The following FAT3 variants were observed in gnomAD, a reference collection of about 807,000 sequenced individuals.
FAT3 encodes the protein FAT atypical cadherin 3.
A neutral mutation model predicts 310.2 loss-of-function variants in FAT3; 95 were observed. The observed-to-expected ratio is 0.31, with a 90% CI of 0.26 to 0.36. The LOEUF is 0.36. Among genes scored for constraint, FAT3 ranks in the 10% least tolerant of loss-of-function variants. The pLI, the probability that FAT3 is intolerant of heterozygous loss-of-function variation, is 1.00. For missense variants in FAT3, 5,408 were observed against 5,715.6 expected (o/e 0.95, Z 1.74); for synonymous variants, 2,314 against 2,192.9 (o/e 1.06, Z -1.54).
chr11:92,729,558 C>T (rs1246667680), intron 4 of FAT3, among the ~76,000 whole-genome samples: 1 of 151,760 alleles, frequency 6.6e-6, no homozygotes, highest in Non-Finnish European at 1.5e-5. Flanking sequence ...TCCCAAGTAG[C>T]TGGGATTACA....
chr11:92,225,756 C>T (rs549565279), intron 1 of FAT3, among the ~76,000 whole-genome samples: 2 of 152,104 alleles, frequency 1.3e-5, no homozygotes, highest in Admixed American at 1.3e-4. Context: ...CTGACTCGGG[C>T]TTGCGGGGCT....
At position 92,844,312 on chromosome 11, in the gene FAT3, G is replaced by A; in HGVS notation, c.10945G>A (p.Val3649Ile). 3 of 1,613,960 alleles carry A rather than the reference G, an allele frequency of 1.9e-6. No individual in the cohort carries two copies. The highest frequency in any genetic ancestry group is 2.5e-6 in the Non-Finnish European group (3 of 1,179,904). The change falls in exon 19 of 28, where the codon GTC becomes ATC. Residue 3649 changes from valine to isoleucine, a missense_variant. Coordinates refer to ENST00000525166, the MANE Select transcript of FAT3 (RefSeq NM_001367949.2). ...GGTGCATGAGATGCTGCAGAACACT[G>A]TCACCATCCGCTTTGAAAATGTGTC... is the stretch of plus-strand genomic sequence containing the variant. ...QLVHEMLQNT[V>I]TIRFENVSPE...
intron 2 of FAT3, among the ~76,000 whole-genome samples, chr11:92,435,421 A>G (rs570434431): frequency 1.3e-5 from 2 of 151,896 alleles, no homozygotes; most frequent in African/African-American, 4.8e-5. Context: ...GACTTTATTC[A>G]TTAGGACCCT....
intron 1 of FAT3, among the ~76,000 whole-genome samples, chr11:92,254,854 T>C (rs1865255540): frequency 6.6e-6 from 1 of 152,018 alleles, no homozygotes; most frequent in Non-Finnish European, 1.5e-5. Context: ...TACAGGCACC[T>C]GCCACCATGC....
At chr11:92,514,261 C>G (rs1298039809) in intron 2 of FAT3, among the ~76,000 whole-genome samples, 1 of 151,948 alleles carries the variant, frequency 6.6e-6, no homozygotes, top group East Asian at 1.9e-4. Context: ...TATTAAGATG[C>G]CCAGAGAATT....
At chr11:92,568,843 T>G (rs1263376890) in intron 3 of FAT3, among the ~76,000 whole-genome samples, 1 of 152,168 alleles carries the variant, frequency 6.6e-6, no homozygotes, top group African/African-American at 2.4e-5. Flanking sequence ...AGACAGGTAC[T>G]CACAGTGTGC....
intron 6 of FAT3, among the ~76,000 whole-genome samples, chr11:92,766,296 T>G (rs570745631): frequency 6.6e-6 from 1 of 151,620 alleles, no homozygotes; most frequent in Non-Finnish European, 1.5e-5. Context: ...AATCCGACAC[T>G]GGGTTGAGCT....
intron 3 of FAT3, among the ~76,000 whole-genome samples, chr11:92,626,458 G>C (rs1157968386): frequency 6.6e-6 from 1 of 151,534 alleles, no homozygotes; most frequent in Non-Finnish European, 1.5e-5. Context: ...TTTGAAATTG[G>C]CGTAGCGTAT....
chr11:92,719,720 CTGTGTGTGTGTGTGTGTGTGTGTG>C (rs751825746), intron 4 of FAT3, among the ~76,000 whole-genome samples: 10 of 136,774 alleles, frequency 7.3e-5, no homozygotes, highest in Non-Finnish European at 1.1e-4. Context: ...AGAACCAACT[CTGTGTGTGTGTGTGTGTGTGTGTG>C]TGTGTGTGTG....
chr11:92,799,865 C>T lies in FAT3; in HGVS notation c.6852C>T (p.Pro2284=). ...TAGTTAATGATGTAAATGACAACCC[C>T]CCTATTTTCGATCAGCCTACATACA... ...DLLVNDVNDN[P]PIFDQPTYNT... The change falls in exon 10 of 28, where the codon CCC becomes CCT. Residue 2284 remains proline (P), a synonymous_variant. Coordinates refer to ENST00000525166, the MANE Select transcript of FAT3 (RefSeq NM_001367949.2). The T allele has an allele frequency of 6.2e-7, 1 of 1,613,314 alleles. No individual in the cohort carries two copies. Among genetic ancestry groups the T allele is most frequent in the Non-Finnish European group, 8.5e-7 (1 of 1,179,662 alleles).
chr11:92,580,861 T>G (rs946153437), intron 3 of FAT3, among the ~76,000 whole-genome samples: 2 of 151,492 alleles, frequency 1.3e-5, no homozygotes, highest in Non-Finnish European at 2.9e-5. Context: ...AGTTTCACCT[T>G]TTCCTGCCAA....
chr11:92,364,472 G>T (rs188981167), intron 2 of FAT3, among the ~76,000 whole-genome samples: 1 of 152,270 alleles, frequency 6.6e-6, no homozygotes, highest in African/African-American at 2.4e-5. Flanking sequence ...ATAGTTTTCT[G>T]CTAGTGTTTT....
At position 92,412,738 on chromosome 11, in the gene FAT3, TATATATAA is replaced by T. The variant is rs1442985130; in HGVS notation, c.3292+57340_3292+57347del. ...ATATATATATATATATATATATATA[TATATATAA>T]ATATACATACATATATATATATTTA... On this transcript the variant is annotated intron_variant, in intron 2 of 27. Transcript: ENST00000525166. 3.9e-3 allele frequency among the ~76,000 whole-genome samples: 250 copies of T among 63,602 alleles called. 22 individuals carry two copies. The highest frequency in any genetic ancestry group is 0.021 in the African/African-American group (227 of 11,040). The allele number at this position is 63,602 out of a possible 152,430, so 41.7% of individuals were successfully genotyped here. A position where few individuals can be genotyped will look rare whatever the true frequency, so the allele number is the denominator to read the frequency against.
At chr11:92,760,751 C>T (rs1946128341) in intron 4 of FAT3, among the ~76,000 whole-genome samples, 1 of 152,122 alleles carries the variant, frequency 6.6e-6, no homozygotes, top group African/African-American at 2.4e-5. Context: ...ACACTATCGA[C>T]ATGTTAGGTG....
intron 3 of FAT3, among the ~76,000 whole-genome samples, chr11:92,546,108 C>T (rs1954608476): frequency 6.6e-6 from 1 of 152,150 alleles, no homozygotes; most frequent in South Asian, 2.1e-4. Flanking sequence ...ATGTCGTCTG[C>T]TGTAATGTTT....
At chr11:92,464,284 A>G (rs977426724) in intron 2 of FAT3, among the ~76,000 whole-genome samples, 3 of 152,168 alleles carry the variant, frequency 2.0e-5, no homozygotes, top group Non-Finnish European at 4.4e-5. Context: ...CTCCTTGTGT[A>G]TTCTAATTGT....
intron 4 of FAT3, among the ~76,000 whole-genome samples, chr11:92,741,280 A>G (rs1052546449): frequency 3.3e-5 from 5 of 152,292 alleles, no homozygotes; most frequent in South Asian, 2.1e-4. Context: ...GGTTCAGGCA[A>G]TCCTCCCACC....
intron 3 of FAT3, among the ~76,000 whole-genome samples, chr11:92,595,286 T>G (rs1939646257): frequency 6.6e-6 from 1 of 152,096 alleles, no homozygotes; most frequent in African/African-American, 2.4e-5. Context: ...CCATCAAGGC[T>G]TCTCAGAGAG....
intron 2 of FAT3, among the ~76,000 whole-genome samples, chr11:92,363,036 G>GA (rs1215254967): frequency 6.6e-6 from 1 of 152,162 alleles, no homozygotes; most frequent in Non-Finnish European, 1.5e-5. Flanking sequence ...TCCTCAGACA[G>GA]AAAAAAGAGG....
Sources: allele counts gnomAD v4.1 joint callset (sites outside exome capture counted in the v4.1 genomes callset), GRCh38; gene constraint gnomAD v4.1.1; transcripts MANE v1.5; gene names NCBI Gene and HGNC (gene_info 2026-07-23, HGNC 2026-07-21).